TLK1: variants seen among roughly 807,000 people sequenced by gnomAD.
The protein encoded by TLK1 is serine/threonine-protein kinase tousled-like 1.
In TLK1, 24 loss-of-function variants were observed where a neutral mutation model predicts 105.3. The ratio of observed to expected loss-of-function variants is 0.23; its 90% confidence interval spans 0.17 to 0.32. The LOEUF (loss-of-function observed/expected upper bound fraction) is 0.32, where lower values mean the gene tolerates loss of function less well. TLK1 is among the 10% of genes least tolerant of loss of function. The pLI, the probability that TLK1 is intolerant of heterozygous loss-of-function variation, is 1.00. For synonymous variants in TLK1, 321 were observed against 310.4 expected (o/e 1.03, Z -0.36); for missense variants, 558 against 910.5 (o/e 0.61, Z 4.98).
upstream of TLK1, among the ~76,000 whole-genome samples, chr2:171,164,858 C>T (rs142068424): frequency 1.6e-4 from 24 of 151,978 alleles, no homozygotes; most frequent in East Asian, 3.7e-3. Flanking sequence ...CGGTGCCTCA[C>T]GCCTGTAATC....
At chr2:171,055,197 T>C in intron 6 of TLK1, 25 bp from the exon 7 acceptor site, 1 of 1,155,394 alleles carries the variant, frequency 8.7e-7, no homozygotes, top group Non-Finnish European at 1.1e-6. Context: ...AAAATTTTTA[T>C]ATTAGCAAAA....
chr2:171,148,879 T>A (rs979488453), intron 1 of TLK1, among the ~76,000 whole-genome samples: 4 of 103,952 alleles, frequency 3.8e-5, no homozygotes, highest in Non-Finnish European at 5.4e-5. Flanking sequence ...GACTCTGTCT[T>A]AAAAAAAAAA....
chr2:171,157,644 C>CA (rs1285142229), intron 1 of TLK1, among the ~76,000 whole-genome samples: 1 of 152,156 alleles, frequency 6.6e-6, no homozygotes, highest in Non-Finnish European at 1.5e-5. Flanking sequence ...AACAAAACTA[C>CA]AACATACAGC....
intron 1 of TLK1, among the ~76,000 whole-genome samples, chr2:171,179,901 C>G (rs759337772): frequency 6.6e-6 from 1 of 152,066 alleles, no homozygotes; most frequent in Non-Finnish European, 1.5e-5. Context: ...CAAGACAAGC[C>G]TGGCCAATAT....
chr2:171,131,723 T>C (rs1691113372), intron 1 of TLK1, among the ~76,000 whole-genome samples: 1 of 151,968 alleles, frequency 6.6e-6, no homozygotes, highest in Non-Finnish European at 1.5e-5. Context: ...TAAAGAAAAA[T>C]GGAAAAATGC....
intron 12 of TLK1, among the ~76,000 whole-genome samples, chr2:171,016,447 G>A (rs1029116358): frequency 9.9e-5 from 15 of 152,108 alleles, no homozygotes; most frequent in Non-Finnish European, 2.1e-4. Flanking sequence ...AATATTTTTA[G>A]TACGTAATTT....
intron 11 of TLK1, among the ~76,000 whole-genome samples, chr2:171,038,027 A>C (rs1432993824): frequency 6.6e-6 from 1 of 152,188 alleles, no homozygotes; most frequent in Non-Finnish European, 1.5e-5. Context: ...GATTCACTTT[A>C]TTTAATAGTT....
intron 11 of TLK1, among the ~76,000 whole-genome samples, chr2:171,041,854 C>T (rs767549708): frequency 6.6e-6 from 1 of 152,060 alleles, no homozygotes; most frequent in Non-Finnish European, 1.5e-5. Context: ...ATTCTGCACA[C>T]AAGCCAAAGC....
intron 12 of TLK1, among the ~76,000 whole-genome samples, chr2:171,024,329 ATTAG>A: frequency 6.6e-6 from 1 of 152,194 alleles, no homozygotes; most frequent in Non-Finnish European, 1.5e-5. Flanking sequence ...AAATCAATAT[ATTAG>A]TTAATAATAA....
chr2:171,185,590 C>T (rs1391270727), intron 1 of TLK1, among the ~76,000 whole-genome samples: 1 of 152,176 alleles, frequency 6.6e-6, no homozygotes, highest in Non-Finnish European at 1.5e-5. Context: ...TTCCATTCCT[C>T]CTTCAAGCCA....
intron 2 of TLK1, among the ~76,000 whole-genome samples, chr2:171,092,277 A>G (rs1249447332): frequency 1.3e-5 from 2 of 152,240 alleles, no homozygotes; most frequent in Non-Finnish European, 2.9e-5. Context: ...TCTGGAGTGG[A>G]CAAAAGTAGA....
chr2:171,090,563 C>T (rs952232645), intron 2 of TLK1, among the ~76,000 whole-genome samples: 5 of 152,120 alleles, frequency 3.3e-5, no homozygotes, highest in South Asian at 2.1e-4. Flanking sequence ...TTTATTTGAA[C>T]GGTTTTTTGC....
At chr2:171,018,594 G>A (rs1559345403) in intron 12 of TLK1, among the ~76,000 whole-genome samples, 1 of 152,180 alleles carries the variant, frequency 6.6e-6, no homozygotes, top group Non-Finnish European at 1.5e-5. Flanking sequence ...GGAGAAGACA[G>A]GATTAACTAG....
At position 171,056,462 on chromosome 2, in the gene TLK1, A is replaced by G; in HGVS notation, c.549+9T>C. 2 of 1,610,024 alleles carry G rather than the reference A, an allele frequency of 1.2e-6. No homozygotes were observed. Among genetic ancestry groups the G allele is most frequent in the East Asian group, 2.2e-5 (1 of 44,768 alleles). On this transcript the variant is annotated intron_variant, in intron 6 of 20. Transcript: ENST00000431350. ...AGACTACACATGAAAAACTTGAAAGATGACTTACAGATGAGGAAGGAGTGG... is the reference window on the plus strand; with the variant it reads ...AGACTACACATGAAAAACTTGAAAGGTGACTTACAGATGAGGAAGGAGTGG...
At chr2:171,203,391 TG>T (rs1425108648) in intron 1 of TLK1, among the ~76,000 whole-genome samples, 1 of 152,206 alleles carries the variant, frequency 6.6e-6, no homozygotes, top group Non-Finnish European at 1.5e-5. Flanking sequence ...ATCTACTTTT[TG>T]TCTGTATGAA....
intron 1 of TLK1, among the ~76,000 whole-genome samples, chr2:171,148,898 T>A (rs1477407931): frequency 0.015 from 2,012 of 134,078 alleles, 25 homozygotes; most frequent in African/African-American, 0.036. Flanking sequence ...AAAATATATA[T>A]ATATATATAT....
At chr2:171,184,351 A>G (rs1169455403) in intron 1 of TLK1, among the ~76,000 whole-genome samples, 1 of 152,236 alleles carries the variant, frequency 6.6e-6, no homozygotes, top group Non-Finnish European at 1.5e-5. Flanking sequence ...TTTGATAATT[A>G]GAAAACTAGT....
intron 3 of TLK1, among the ~76,000 whole-genome samples, chr2:171,061,943 C>G (rs1216598805): frequency 6.6e-6 from 1 of 152,190 alleles, no homozygotes; most frequent in Admixed American, 6.5e-5. Flanking sequence ...AACGGCAGAG[C>G]TGAGTAGCTG....
At chr2:171,209,484 A>ATGGCCGGGCGCGGTGGCTCACGCCTG (rs1693571797) in intron 1 of TLK1, among the ~76,000 whole-genome samples, 1 of 152,250 alleles carries the variant, frequency 6.6e-6, no homozygotes, top group African/African-American at 2.4e-5. Flanking sequence ...AAAGCAGGTT[A>ATGGCCGGGCGCGGTGGCTCACGCCTG]TAAGAAAGTA....
Sources: gnomAD v4.1 joint callset for allele counts (sites outside exome capture counted in the v4.1 genomes callset) on GRCh38, gnomAD v4.1.1 for gene constraint, MANE v1.5 for transcripts, NCBI Gene and HGNC (gene_info 2026-07-23, HGNC 2026-07-21) for gene names.